The following TRPM3 variants were observed in gnomAD, a reference collection of about 807,000 sequenced individuals.
TRPM3 encodes the protein transient receptor potential cation channel subfamily M member 3, also known as long transient receptor potential channel 3.
A neutral mutation model predicts 181.2 loss-of-function variants in TRPM3; 77 were observed. The ratio of observed to expected loss-of-function variants is 0.42; its 90% CI spans 0.35 to 0.51. TRPM3 has a LOEUF of 0.51. Ranked by LOEUF, TRPM3 falls within the 20% of genes least tolerant of loss-of-function variation. The probability of loss-of-function intolerance (pLI) is 0.01; values close to 1 mark genes in which losing one functional copy is unlikely to be tolerated. For missense variants in TRPM3, 1,759 were observed against 2,196.7 expected, an observed-to-expected ratio of 0.80 and a Z score of 3.98; for synonymous variants, 745 against 796.4, an observed-to-expected ratio of 0.94 and a Z score of 1.09.
At chr9:70,561,621 T>G (rs2049112455) in intron 22 of TRPM3, among the ~76,000 whole-genome samples, 1 of 152,228 alleles carries the variant, frequency 6.6e-6, no homozygotes, top group Non-Finnish European at 1.5e-5. Flanking sequence ...TTACTTCTTT[T>G]GTGGCTTAAG....
At chr9:70,841,727 T>C (rs1261829453) in intron 5 of TRPM3, among the ~76,000 whole-genome samples, 1 of 147,534 alleles carries the variant, frequency 6.8e-6, no homozygotes, top group Admixed American at 6.8e-5. Context: ...ACCATATATA[T>C]ATATATATGG....
chr9:71,265,721 C>T (rs1165096403), intron 1 of TRPM3, among the ~76,000 whole-genome samples: 3 of 152,180 alleles, frequency 2.0e-5, no homozygotes, highest in Non-Finnish European at 1.5e-5. Context: ...AGGGAAAATA[C>T]CCTTAAAATT....
chr9:70,631,839 G>GAATTCA (rs2065910545), intron 12 of TRPM3, among the ~76,000 whole-genome samples: 1 of 152,138 alleles, frequency 6.6e-6, no homozygotes, highest in Admixed American at 6.5e-5. Context: ...CAGTTCTGTT[G>GAATTCA]GTCTCAAAGA....
chr9:70,778,112 G>A (rs897652509), intron 7 of TRPM3, among the ~76,000 whole-genome samples: 2 of 152,054 alleles, frequency 1.3e-5, no homozygotes, highest in African/African-American at 2.4e-5. Context: ...ATATAAGGGA[G>A]GGTCAAATAT....
intron 1 of TRPM3, among the ~76,000 whole-genome samples, chr9:71,014,276 C>T (rs930878349): frequency 1.1e-4 from 17 of 151,844 alleles, no homozygotes; most frequent in Non-Finnish European, 1.6e-4. Context: ...TATATTTTTG[C>T]ATTTTTCCAC....
chr9:70,844,913 G>T (rs1033490457), intron 4 of TRPM3, among the ~76,000 whole-genome samples: 2 of 152,174 alleles, frequency 1.3e-5, no homozygotes, highest in African/African-American at 2.4e-5. Context: ...AGCCAATGAG[G>T]CCTGCTTAGT....
At chr9:70,853,764 A>G (rs1363621355) in intron 3 of TRPM3, among the ~76,000 whole-genome samples, 1 of 152,204 alleles carries the variant, frequency 6.6e-6, no homozygotes, top group African/African-American at 2.4e-5. Flanking sequence ...GTTGCCCGTT[A>G]TTTGTGATTT....
intron 18 of TRPM3, among the ~76,000 whole-genome samples, chr9:70,614,666 G>A (rs994995864): frequency 6.6e-6 from 1 of 152,106 alleles, no homozygotes; most frequent in Admixed American, 6.5e-5. Context: ...CTTTTTACAC[G>A]AGACAACTAC....
intron 1 of TRPM3, among the ~76,000 whole-genome samples, chr9:71,074,218 C>T (rs1018759624): frequency 6.6e-6 from 1 of 152,106 alleles, no homozygotes; most frequent in African/African-American, 2.4e-5. Flanking sequence ...TACTATTTTC[C>T]GTGCATAAGG....
chr9:71,326,752 C>T (rs1430035995), intron 1 of TRPM3, among the ~76,000 whole-genome samples: 1 of 152,118 alleles, frequency 6.6e-6, no homozygotes, highest in East Asian at 1.9e-4. Flanking sequence ...CTAGAATTTC[C>T]CTAGGCTCAG....
chr9:70,670,485 A>T (rs1190408493), intron 9 of TRPM3, among the ~76,000 whole-genome samples: 1 of 152,226 alleles, frequency 6.6e-6, no homozygotes, highest in Non-Finnish European at 1.5e-5. Flanking sequence ...TTTCCATGAA[A>T]ATAAACCTGC....
chr9:71,319,385 A>G (rs2088973521), intron 1 of TRPM3, among the ~76,000 whole-genome samples: 1 of 152,116 alleles, frequency 6.6e-6, no homozygotes, highest in Non-Finnish European at 1.5e-5. Context: ...CCAAGGGTGT[A>G]AGTCCCAATC....
At chr9:70,753,055 C>T (rs1210025650) in intron 8 of TRPM3, among the ~76,000 whole-genome samples, 7 of 151,832 alleles carry the variant, frequency 4.6e-5, no homozygotes, top group African/African-American at 1.2e-4. Flanking sequence ...TGCAGTGAGC[C>T]GACATCACAC....
chr9:71,170,028 A>G (rs1046040558), intron 1 of TRPM3, among the ~76,000 whole-genome samples: 1 of 149,790 alleles, frequency 6.7e-6, no homozygotes, highest in Non-Finnish European at 1.5e-5. Context: ...AAAAAAATCC[A>G]AAGTCAGACT....
intron 1 of TRPM3, among the ~76,000 whole-genome samples, chr9:71,218,178 C>A (rs1336609727): frequency 2.6e-5 from 4 of 152,156 alleles, no homozygotes; most frequent in Non-Finnish European, 5.9e-5. Flanking sequence ...CACACAATCC[C>A]AGTGTATCCT....
Position 70,681,496 on chromosome 9 carries a change from ACT to A in TRPM3, c.1345+8_1345+9del, listed in dbSNP as rs1563972069. ...TTATTTTCACACTCTCTGGACACAG[ACT>A]CTTTTACCTTTGAGTAAAGCTGTCA... On this transcript the variant is annotated splice_region_variant and intron_variant, in intron 9 of 25. Coordinates refer to ENST00000677713, the MANE Select transcript of TRPM3 (RefSeq NM_001366145.2). 6.2e-7 allele frequency: 1 copy of A among 1,612,078 alleles called. No homozygotes were observed. Among genetic ancestry groups the A allele is most frequent in the Non-Finnish European group, 8.5e-7 (1 of 1,178,430 alleles).
chr9:70,751,143 G>A (rs536299387), intron 8 of TRPM3, among the ~76,000 whole-genome samples: 4 of 152,030 alleles, frequency 2.6e-5, no homozygotes, highest in South Asian at 2.1e-4. Context: ...CTAATATGAC[G>A]TTAAAAACAA....
chr9:70,823,602 T>G (rs575593485), intron 6 of TRPM3, among the ~76,000 whole-genome samples: 21 of 152,356 alleles, frequency 1.4e-4, no homozygotes, highest in African/African-American at 4.6e-4. Context: ...GATAGATGCT[T>G]TACTCTGCTT....
intron 1 of TRPM3, among the ~76,000 whole-genome samples, chr9:71,101,735 T>A (rs1351126661): frequency 2.6e-5 from 4 of 152,192 alleles, no homozygotes; most frequent in Non-Finnish European, 4.4e-5. Flanking sequence ...CCCAGTTTAG[T>A]GACTAGTTTA....
Sources: gnomAD v4.1 joint callset for allele counts (sites outside exome capture counted in the v4.1 genomes callset) on GRCh38, gnomAD v4.1.1 for gene constraint, MANE v1.5 for transcripts, NCBI Gene and HGNC (gene_info 2026-07-23, HGNC 2026-07-21) for gene names.